The following RFX3 variants were observed in gnomAD, a reference collection of about 807,000 sequenced individuals.
The protein encoded by RFX3 is transcription factor RFX3.
A neutral mutation model predicts 98.6 loss-of-function variants in RFX3; 14 were observed. The ratio of observed to expected loss-of-function variants is 0.14; its 90% CI spans 0.09 to 0.22. RFX3 has a LOEUF of 0.22. Among genes scored for constraint, RFX3 ranks in the 10% least tolerant of loss-of-function variants. The pLI, the probability that RFX3 is intolerant of heterozygous loss-of-function variation, is 1.00. For synonymous variants in RFX3, 383 were observed against 328.4 expected (o/e 1.17, Z -1.80); for missense variants, 639 against 926.9 (o/e 0.69, Z 4.03).
chr9:3,385,687 T>TAA (rs1163965329), intron 2 of RFX3, among the ~76,000 whole-genome samples: 1 of 118,686 alleles, frequency 8.4e-6, no homozygotes, highest in Non-Finnish European at 1.8e-5. Flanking sequence ...CAGCCTGTCT[T>TAA]AAAAAAAAAA....
intron 1 of RFX3, among the ~76,000 whole-genome samples, chr9:3,513,621 C>A (rs946681355): frequency 1.3e-5 from 2 of 152,120 alleles, no homozygotes; most frequent in African/African-American, 4.8e-5. Flanking sequence ...AGAAGGAAGT[C>A]TTTACTTCAA....
intron 2 of RFX3, among the ~76,000 whole-genome samples, chr9:3,378,590 CTT>C (rs1341208530): frequency 1.6e-5 from 2 of 121,312 alleles, no homozygotes; most frequent in Non-Finnish European, 3.3e-5. Context: ...GAGTTTCACT[CTT>C]GTCACCCAGG....
chr9:3,266,394 A>G (rs990470592), intron 11 of RFX3, 89 bp from the exon 12 acceptor site: 1 of 757,850 alleles, frequency 1.3e-6, no homozygotes, highest in Non-Finnish European at 2.3e-6. Context: ...CTCGTACACA[A>G]TATCTGATAC....
At chr9:3,270,139 G>GAA (rs372874856) in intron 11 of RFX3, among the ~76,000 whole-genome samples, 1 of 148,324 alleles carries the variant, frequency 6.7e-6, no homozygotes, top group African/African-American at 2.5e-5. Flanking sequence ...AAGAAAGAAA[G>GAA]AAAAGGAGAA....
chr9:3,473,937 A>G (rs1037343425), intron 1 of RFX3, among the ~76,000 whole-genome samples: 9 of 152,216 alleles, frequency 5.9e-5, no homozygotes, highest in African/African-American at 2.2e-4. Context: ...AATAAAATAT[A>G]GAATATAATG....
chr9:3,457,166 A>G (rs924605936), intron 1 of RFX3, among the ~76,000 whole-genome samples: 17 of 150,426 alleles, frequency 1.1e-4, no homozygotes, highest in African/African-American at 2.9e-4. Context: ...AAAAAAAAAA[A>G]AAAAGAAAAG....
At chr9:3,522,196 G>GCCAT (rs2133942314) in intron 1 of RFX3, among the ~76,000 whole-genome samples, 1 of 152,256 alleles carries the variant, frequency 6.6e-6, no homozygotes, top group South Asian at 2.1e-4. Context: ...GTTTAAAGCA[G>GCCAT]CCATCTGTCC....
Position 3,223,649 on chromosome 9 carries a change from T to C in RFX3, c.*1393A>G, listed in dbSNP as rs948745254. 1 of 152,354 alleles carries C rather than the reference T, an allele frequency of 6.6e-6. No individual in the cohort carries two copies. Among genetic ancestry groups the C allele is most frequent in the African/African-American group, 2.4e-5 (1 of 41,584 alleles). 9.4% of individuals were successfully genotyped at this position (152,354 alleles called of 1,614,324 possible). ...ACTCAAAGAGGGAAACTGATTTTTG[T>C]CTTTTTGTTTTCCTTTGTTTTCCCT... On this transcript the variant is annotated 3_prime_UTR_variant, in exon 17 of 17. Transcript: ENST00000617270.
At chr9:3,294,651 T>C (rs930827222) in intron 5 of RFX3, among the ~76,000 whole-genome samples, 2 of 152,208 alleles carry the variant, frequency 1.3e-5, no homozygotes, top group Admixed American at 1.3e-4. Flanking sequence ...TTACTGACTT[T>C]AGTCATGACA....
intron 14 of RFX3, among the ~76,000 whole-genome samples, chr9:3,251,625 A>G (rs1158930635): frequency 6.6e-6 from 1 of 152,030 alleles, no homozygotes; most frequent in African/African-American, 2.4e-5. Flanking sequence ...GCAAGCCACC[A>G]TGCCTGGCCT....
chr9:3,328,076 A>G (rs1397820794), intron 4 of RFX3, among the ~76,000 whole-genome samples: 2 of 152,134 alleles, frequency 1.3e-5, no homozygotes, highest in Non-Finnish European at 2.9e-5. Context: ...GAATACCTAG[A>G]AGAGGTGAGG....
At position 3,308,998 on chromosome 9, in the gene RFX3, A is replaced by C. The variant is rs76681749; in HGVS notation, c.475-7378T>G. Among the ~76,000 whole-genome samples the C allele has an allele frequency of 3.4e-3, 519 of 152,224 alleles. 4 individuals carry two copies. The highest frequency in any genetic ancestry group is 0.012 in the African/African-American group (482 of 41,536). ...AGCCTGGAGAGCTAGAGACTATACC[A>C]ATTAATTTGCTTCCGTTGTACAAAG... On this transcript the variant is annotated intron_variant, in intron 4 of 16. Transcript: ENST00000617270.
At chr9:3,450,180 G>T (rs1026462298) in intron 1 of RFX3, among the ~76,000 whole-genome samples, 1 of 152,104 alleles carries the variant, frequency 6.6e-6, no homozygotes, top group African/African-American at 2.4e-5. Context: ...TACTACTAAG[G>T]TTGCAATCAC....
At chr9:3,314,575 G>A (rs1830357030) in intron 4 of RFX3, among the ~76,000 whole-genome samples, 1 of 152,110 alleles carries the variant, frequency 6.6e-6, no homozygotes, top group Admixed American at 6.5e-5. Flanking sequence ...GACACAGACT[G>A]GCAAATTGGA....
chr9:3,294,574 G>A (rs2129737099), intron 5 of RFX3, among the ~76,000 whole-genome samples: 1 of 152,090 alleles, frequency 6.6e-6, no homozygotes, highest in East Asian at 1.9e-4. Flanking sequence ...TTTAAGATTT[G>A]CAATCAAACT....
chr9:3,311,029 A>C (rs921262631), intron 4 of RFX3, among the ~76,000 whole-genome samples: 2 of 152,234 alleles, frequency 1.3e-5, no homozygotes, highest in African/African-American at 4.8e-5. Flanking sequence ...TAGATAGTTA[A>C]ATTTTAATTA....
At position 3,469,814 on chromosome 9, in the gene RFX3, C is replaced by A. The variant is rs143263939; in HGVS notation, c.-9+55933G>T. 4.7e-3 allele frequency among the ~76,000 whole-genome samples: 714 copies of A among 151,470 alleles called. 6 individuals carry two copies. Among genetic ancestry groups the A allele is most frequent in the African/African-American group, 0.017 (684 of 41,254 alleles). On this transcript the variant is annotated intron_variant, in intron 1 of 16. Coordinates refer to ENST00000617270, the MANE Select transcript of RFX3 (RefSeq NM_001282116.2). ...TGAGCTGAGATCGCGCCACTGCACT[C>A]CAGCCTGGGTGACAGAGCGTGACTC...
chr9:3,262,903 T>C (rs779637363), intron 13 of RFX3, 32 bp downstream of exon 13: 14 of 1,607,200 alleles, frequency 8.7e-6, no homozygotes, highest in Non-Finnish European at 1.0e-5. Context: ...TATCTTTCCT[T>C]AAGAGACATG....
intron 1 of RFX3, among the ~76,000 whole-genome samples, chr9:3,467,144 A>G (rs1463971967): frequency 7.0e-6 from 1 of 143,764 alleles, no homozygotes; most frequent in Non-Finnish European, 1.5e-5. Context: ...ATATGTATAT[A>G]CATAATATAT....
Sources: gnomAD v4.1 joint callset for allele counts (sites outside exome capture counted in the v4.1 genomes callset) on GRCh38, gnomAD v4.1.1 for gene constraint, MANE v1.5 for transcripts, NCBI Gene and HGNC (gene_info 2026-07-23, HGNC 2026-07-21) for gene names.